The following LRP1B variants were observed in gnomAD, a reference collection of about 807,000 sequenced individuals.
LRP1B encodes the protein LDL receptor related protein 1B.
In LRP1B, 217 loss-of-function variants were observed where a neutral mutation model predicts 556.6. The ratio of observed to expected loss-of-function variants is 0.39; its 90% CI spans 0.35 to 0.44. LRP1B has a LOEUF of 0.44. Ranked by LOEUF, LRP1B falls within the 20% of genes least tolerant of loss-of-function variation. The pLI is 1.00. For synonymous variants in LRP1B, 2,047 were observed against 1,865.8 expected (o/e 1.10, Z -2.50); for missense variants, 5,053 against 5,620.8 (o/e 0.90, Z 3.23).
chr2:141,115,671 A>G (rs1358514235), intron 7 of LRP1B, among the ~76,000 whole-genome samples: 4 of 149,828 alleles, frequency 2.7e-5, no homozygotes. Flanking sequence ...TTTAGTAGAG[A>G]CGGGTTTTTG....
intron 1 of LRP1B, among the ~76,000 whole-genome samples, chr2:141,953,502 T>C (rs977997769): frequency 3.3e-5 from 5 of 152,082 alleles, no homozygotes; most frequent in African/African-American, 7.2e-5. Context: ...TTTTTATAGA[T>C]AATTATCAGA....
chr2:140,992,737 T>C (rs1388994167), intron 16 of LRP1B: 2 of 152,084 alleles, frequency 1.3e-5, no homozygotes, highest in Non-Finnish European at 2.9e-5. Context: ...TACTCATTTA[T>C]GTAAATTAGG....
At chr2:141,365,202 A>T (rs532385530) in intron 3 of LRP1B, among the ~76,000 whole-genome samples, 4 of 151,756 alleles carry the variant, frequency 2.6e-5, no homozygotes, top group African/African-American at 7.3e-5. Context: ...AAGAAAAAAA[A>T]TTATGATGCA....
At chr2:140,416,764 G>A (rs1362588262) in intron 66 of LRP1B, among the ~76,000 whole-genome samples, 1 of 152,154 alleles carries the variant, frequency 6.6e-6, no homozygotes. Context: ...TCTGGTGGCA[G>A]ACTTTAAGTC....
chr2:140,347,933 C>T (rs761571674), intron 77 of LRP1B, among the ~76,000 whole-genome samples: 5 of 151,906 alleles, frequency 3.3e-5, no homozygotes, highest in East Asian at 1.9e-4. Context: ...TAGAAGAACA[C>T]GTGTTTACAT....
rs573699735 is a variant in LRP1B at position 141,671,026 on chromosome 2, T to C, written c.205+139253A>G. 1.1e-4 allele frequency among the ~76,000 whole-genome samples: 16 copies of C among 152,252 alleles called. 1 individual carries two copies. Among genetic ancestry groups the C allele is most frequent in the Admixed American group, 2.0e-4 (3 of 15,296 alleles). Reference sequence around the variant, plus strand: ...GTTCAGCCTTTGTTCCCAGAAAAGATTGACATCTTTTCATTTCAGAGAAGA... The same window carrying C: ...GTTCAGCCTTTGTTCCCAGAAAAGACTGACATCTTTTCATTTCAGAGAAGA... On this transcript the variant is annotated intron_variant, in intron 2 of 90. Transcript: ENST00000389484.
At chr2:141,851,205 C>T (rs1331052104) in intron 1 of LRP1B, among the ~76,000 whole-genome samples, 1 of 151,722 alleles carries the variant, frequency 6.6e-6, no homozygotes, top group Non-Finnish European at 1.5e-5. Flanking sequence ...AATGTGAATG[C>T]CCTCATCTCA....
intron 3 of LRP1B, among the ~76,000 whole-genome samples, chr2:141,412,475 T>C (rs1003086287): frequency 9.9e-5 from 15 of 152,170 alleles, no homozygotes; most frequent in African/African-American, 3.4e-4. Flanking sequence ...GTATTCCAAA[T>C]AATCAAGACA....
At chr2:141,772,285 G>C (rs1694925977) in intron 2 of LRP1B, among the ~76,000 whole-genome samples, 1 of 152,062 alleles carries the variant, frequency 6.6e-6, no homozygotes, top group South Asian at 2.1e-4. Context: ...TCCTGTTATA[G>C]CATCCCAAAC....
At chr2:141,160,240 A>G (rs781603715) in intron 7 of LRP1B, among the ~76,000 whole-genome samples, 5 of 152,192 alleles carry the variant, frequency 3.3e-5, no homozygotes, top group African/African-American at 1.2e-4. Context: ...TTGAATTGCT[A>G]AAGTAAAAAT....
intron 60 of LRP1B, among the ~76,000 whole-genome samples, chr2:140,466,279 A>G (rs1687545831): frequency 6.6e-6 from 1 of 152,144 alleles, no homozygotes; most frequent in Non-Finnish European, 1.5e-5. Context: ...TTCTTAAAAC[A>G]TATTTCATGC....
chr2:141,745,447 C>T (rs746105785), intron 2 of LRP1B, among the ~76,000 whole-genome samples: 79 of 152,206 alleles, frequency 5.2e-4, no homozygotes, highest in Non-Finnish European at 9.7e-4. Flanking sequence ...GGAGCCTCAC[C>T]CTATGGCCAC....
intron 47 of LRP1B, among the ~76,000 whole-genome samples, chr2:140,530,701 T>A (rs959374971): frequency 2.6e-5 from 4 of 152,148 alleles, no homozygotes; most frequent in African/African-American, 7.2e-5. Flanking sequence ...TGTGTTTCCA[T>A]GAGAAATTTT....
At chr2:141,387,166 C>A (rs1689861030) in intron 3 of LRP1B, among the ~76,000 whole-genome samples, 1 of 151,872 alleles carries the variant, frequency 6.6e-6, no homozygotes, top group Admixed American at 6.6e-5. Context: ...AACAAAAGCA[C>A]ACATACTAAA....
At chr2:142,118,004 T>C (rs1707332690) in intron 1 of LRP1B, among the ~76,000 whole-genome samples, 1 of 152,138 alleles carries the variant, frequency 6.6e-6, no homozygotes, top group Non-Finnish European at 1.5e-5. Context: ...TTCCTCTGAG[T>C]CTAGGAATCT....
intron 41 of LRP1B, among the ~76,000 whole-genome samples, chr2:140,606,183 GC>G (rs1203289572): frequency 2.0e-5 from 3 of 151,702 alleles, no homozygotes; most frequent in African/African-American, 7.3e-5. Context: ...GGTTACAAAA[GC>G]AACATACAAA....
chr2:140,545,971 T>C (rs1268932107), intron 43 of LRP1B, among the ~76,000 whole-genome samples: 1 of 150,928 alleles, frequency 6.6e-6, no homozygotes, highest in East Asian at 2.0e-4. Flanking sequence ...CAGAGATCTT[T>C]CACCTCACTG....
chr2:141,173,655 C>T (rs1045958452), intron 7 of LRP1B, among the ~76,000 whole-genome samples: 3 of 152,026 alleles, frequency 2.0e-5, no homozygotes, highest in Non-Finnish European at 4.4e-5. Flanking sequence ...ATTGTCTTCA[C>T]TTGGTGTGGG....
At chr2:141,578,819 G>A (rs1233745681) in intron 2 of LRP1B, among the ~76,000 whole-genome samples, 3 of 151,844 alleles carry the variant, frequency 2.0e-5, no homozygotes, top group African/African-American at 2.4e-5. Flanking sequence ...AGGTTTCTGC[G>A]TATGTGCAAA....
Sources: allele counts gnomAD v4.1 joint callset (sites outside exome capture counted in the v4.1 genomes callset), GRCh38; gene constraint gnomAD v4.1.1; transcripts MANE v1.5; gene names NCBI Gene and HGNC (gene_info 2026-07-23, HGNC 2026-07-21).